Variants in PDE6B observed in about 807,000 individuals in gnomAD.
PDE6B encodes the protein rod cGMP-specific 3',5'-cyclic phosphodiesterase subunit beta.
In PDE6B, 106 loss-of-function variants were observed where a neutral mutation model predicts 109.0. That is an observed-to-expected ratio of 0.97 (90% CI 0.83 to 1.14). PDE6B has a LOEUF of 1.14. Ranked by LOEUF, PDE6B falls within the 50% of genes most tolerant of loss-of-function variation. The pLI is 0.00. For synonymous variants in PDE6B, 490 were observed against 471.3 expected (o/e 1.04, Z -0.51); for missense variants, 1,193 against 1,155.6 (o/e 1.03, Z -0.47).
intron 3 of PDE6B, among the ~76,000 whole-genome samples, chr4:647,426 G>C (rs1015585002): frequency 4.6e-5 from 7 of 152,044 alleles, no homozygotes; most frequent in African/African-American, 1.7e-4. Context: ...TTTATGGTTT[G>C]TTTTTGCTTC....
intron 3 of PDE6B, among the ~76,000 whole-genome samples, chr4:649,113 G>A (rs918593750): frequency 1.3e-5 from 2 of 152,338 alleles, no homozygotes; most frequent in East Asian, 1.9e-4. Flanking sequence ...ACAGCAGTCC[G>A]TCTGCCGTAG....
intron 9 of PDE6B, 143 bp downstream of exon 9, chr4:657,166 G>A (rs373885453): frequency 2.1e-5 from 24 of 1,144,818 alleles, no homozygotes; most frequent in Middle Eastern, 2.7e-4. Context: ...GGGAGAGGAC[G>A]ACAAAGGGCC....
Position 666,389 on chromosome 4 carries a change from C to T in PDE6B, c.2269-142C>T, listed in dbSNP as rs577237914. On this transcript the variant is annotated intron_variant, in intron 19 of 21. Coordinates refer to ENST00000496514, the MANE Select transcript of PDE6B (RefSeq NM_000283.4). The surrounding 1 kb of genome is among the most constrained non-coding windows in gnomAD (Gnocchi z 5.6). ...GGGAGAGGGTGTCAGCTTCCCCTCC[C>T]GAGAGCCAGTTTCTGTCAGGCAGGC... 18 of 684,684 alleles carry T rather than the reference C, an allele frequency of 2.6e-5. No individual in the cohort carries two copies. The highest frequency in any genetic ancestry group is 5.3e-5 in the African/African-American group (3 of 56,826). The allele number at this position is 684,684 out of a possible 1,614,324, so 42.4% of individuals were successfully genotyped here. A position where few individuals can be genotyped will look rare whatever the true frequency, so the allele number is the denominator to read the frequency against.
intron 9 of PDE6B, 129 bp downstream of exon 9, chr4:657,152 GC>G: frequency 8.4e-7 from 1 of 1,189,946 alleles, no homozygotes. Context: ...TATGCATGCG[GC>G]CAGGGAGAGG....
rs1481244245 is a variant in PDE6B, at chr4:633,822, G to A, written c.469-855G>A. Among the ~76,000 whole-genome samples, 2 of 152,154 alleles carry A rather than the reference G, an allele frequency of 1.3e-5. No individual in the cohort carries two copies. The highest frequency in any genetic ancestry group is 1.9e-4 in the East Asian group (1 of 5,192). On this transcript the variant is annotated intron_variant, in intron 1 of 21. Coordinates refer to ENST00000496514, the MANE Select transcript of PDE6B (RefSeq NM_000283.4). This position sits in a 1 kb window ranked among gnomAD's most constrained non-coding sequence, Gnocchi z 4.5. ...ACCAGGAAGTAAGAGGAGGGTCTGG[G>A]GTCACATCCAACTCTCTGAAGGACA...
intron 3 of PDE6B, chr4:652,464 A>G (rs1286747543): frequency 5.1e-6 from 5 of 983,432 alleles, no homozygotes; most frequent in Non-Finnish European, 6.0e-6. Flanking sequence ...AAGGGTGCAA[A>G]GCGTTCGTTA....
At chr4:654,461 G>T (rs1735952092) in intron 5 of PDE6B, 4 of 602,336 alleles carry the variant, frequency 6.6e-6, no homozygotes, top group Non-Finnish European at 6.0e-6. Context: ...CGTGTAGGAT[G>T]CGTGTGTGTG....
intron 3 of PDE6B, among the ~76,000 whole-genome samples, chr4:642,976 T>G (rs1735018646): frequency 6.6e-6 from 1 of 152,144 alleles, no homozygotes; most frequent in Admixed American, 6.6e-5. Flanking sequence ...ATTATTTTCA[T>G]ACATTGTTAA....
intron 7 of PDE6B, 86 bp from the exon 8 acceptor site, chr4:656,159 C>A: frequency 1.8e-6 from 2 of 1,086,816 alleles, no homozygotes; most frequent in Non-Finnish European, 2.9e-6. Context: ...TACTTAAAAG[C>A]TCACCTCAGG....
chr4:631,915 A>G lies in PDE6B; in HGVS notation c.469-2762A>G, dbSNP rs144993010. ...TCTCAGGGTCACATTGCATGGATTC[A>G]TGTGTCACCATCTGAGGGTCATCCT... is the stretch of plus-strand genomic sequence containing the variant. On this transcript the variant is annotated intron_variant, in intron 1 of 21. Coordinates refer to ENST00000496514, the MANE Select transcript of PDE6B (RefSeq NM_000283.4). Among the ~76,000 whole-genome samples the G allele has an allele frequency of 4.9e-3, 737 of 150,456 alleles. 3 individuals are homozygous for G. The highest frequency in any genetic ancestry group is 7.9e-3 in the Non-Finnish European group (534 of 67,718).
At chr4:643,672 A>G (rs1403863462) in intron 3 of PDE6B, among the ~76,000 whole-genome samples, 1 of 151,918 alleles carries the variant, frequency 6.6e-6, no homozygotes, top group Admixed American at 6.6e-5. Flanking sequence ...AGTCTATTTC[A>G]TCTAAGTTAA....
rs543701683 is a variant in PDE6B, at chr4:650,074, C to T, written c.712-3778C>T. Among the ~76,000 whole-genome samples the T allele has an allele frequency of 7.2e-4, 109 of 152,266 alleles. 1 individual carries two copies. The highest frequency in any genetic ancestry group is 2.3e-3 in the African/African-American group (97 of 41,564). Reference sequence around the variant, plus strand: ...AAGCCCAGGCTGCTCGAACCATCCCCGGGGCCTTGTGGATGCAGCAGGTGT... The same window carrying T: ...AAGCCCAGGCTGCTCGAACCATCCCTGGGGCCTTGTGGATGCAGCAGGTGT... On this transcript the variant is annotated intron_variant, in intron 3 of 21. Coordinates refer to ENST00000496514, the MANE Select transcript of PDE6B (RefSeq NM_000283.4).
chr4:663,922 A>AC lies in PDE6B; in HGVS notation c.2021+57dup. ...TCGCGGGGCGGGCGGGTAGCCTGGG[A>AC]CCCCCGGCAGACACGGGGGCGCAGC... On this transcript the variant is annotated intron_variant, in intron 16 of 21. Coordinates refer to ENST00000496514, the MANE Select transcript of PDE6B (RefSeq NM_000283.4). This position sits in a 1 kb window ranked among gnomAD's most constrained non-coding sequence, Gnocchi z 4.0. 7.2e-7 allele frequency: 1 copy of AC among 1,382,928 alleles called. No homozygotes were observed. 85.7% of individuals were successfully genotyped at this position (1,382,928 alleles called of 1,614,324 possible). A position where few individuals can be genotyped will look rare whatever the true frequency, so the allele number is the denominator to read the frequency against.
chr4:664,795 G>A (rs1737592810), intron 17 of PDE6B, 86 bp from the exon 18 acceptor site: 3 of 1,024,248 alleles, frequency 2.9e-6, no homozygotes, highest in Non-Finnish European at 4.7e-6. Flanking sequence ...AACAGAGCAA[G>A]ACTCCATCTC....
intron 1 of PDE6B, among the ~76,000 whole-genome samples, chr4:629,876 G>A (rs1448590009): frequency 1.3e-5 from 2 of 152,196 alleles, no homozygotes; most frequent in African/African-American, 2.4e-5. Context: ...GGCTATGTGA[G>A]CACACACAGC....
chr4:634,671 C>G lies in PDE6B; in HGVS notation c.469-6C>G. ...CCTCTTTAGCCTCTTTCCTCTCTTG[C>G]GGCAGTGCCCTCACTTCAGCTCATT... is the stretch of plus-strand genomic sequence containing the variant. On this transcript the variant is annotated splice_polypyrimidine_tract_variant and splice_region_variant and intron_variant, in intron 1 of 21. Coordinates refer to ENST00000496514, the MANE Select transcript of PDE6B (RefSeq NM_000283.4). 1 of 1,610,442 alleles carries G rather than the reference C, an allele frequency of 6.2e-7. No homozygotes were observed. The highest frequency in any genetic ancestry group is 8.5e-7 in the Non-Finnish European group (1 of 1,176,656).
chr4:637,193 A>G (rs1224807882), intron 3 of PDE6B, among the ~76,000 whole-genome samples: 1 of 144,844 alleles, frequency 6.9e-6, no homozygotes, highest in African/African-American at 2.6e-5. Flanking sequence ...TTTTTACGTG[A>G]CCCCATCACT....
chr4:637,632 G>A (rs191424782), intron 3 of PDE6B, among the ~76,000 whole-genome samples: 4 of 152,344 alleles, frequency 2.6e-5, no homozygotes, highest in Admixed American at 2.6e-4. Flanking sequence ...AGCAGTAACA[G>A]GAGCCGCGGC....
intron 1 of PDE6B, 41 bp from the exon 2 acceptor site, chr4:634,636 G>A (rs760609253): frequency 1.0e-5 from 16 of 1,570,138 alleles, no homozygotes; most frequent in South Asian, 1.0e-4. Flanking sequence ...CCAGGCCCAC[G>A]GTGCGACAGC....
Sources: allele counts gnomAD v4.1 joint callset (sites outside exome capture counted in the v4.1 genomes callset), GRCh38; gene constraint gnomAD v4.1.1; non-coding constraint Gnocchi (gnomAD v3.1); transcripts MANE v1.5; gene names NCBI Gene and HGNC (gene_info 2026-07-23, HGNC 2026-07-21).